Variants in TMEM163 observed in about 807,000 individuals in gnomAD.
The protein encoded by TMEM163 is transmembrane protein 163.
A neutral mutation model predicts 29.3 loss-of-function variants in TMEM163; 17 were observed. That is an observed-to-expected ratio of 0.58 (90% CI 0.40 to 0.87). The LOEUF (loss-of-function observed/expected upper bound fraction) is 0.87. Ranked by LOEUF, TMEM163 falls within the 40% of genes least tolerant of loss-of-function variation. The pLI, the probability that TMEM163 is intolerant of heterozygous loss-of-function variation, is 0.00. For synonymous variants in TMEM163, 157 were observed against 160.6 expected, an observed-to-expected ratio of 0.98 and a Z score of 0.17; for missense variants, 303 against 381.5, an observed-to-expected ratio of 0.79 and a Z score of 1.71.
At chr2:134,485,923 C>A (rs1209291188) in intron 5 of TMEM163, among the ~76,000 whole-genome samples, 1 of 152,108 alleles carries the variant, frequency 6.6e-6, no homozygotes, top group Non-Finnish European at 1.5e-5. Flanking sequence ...GGGATACATG[C>A]CCCTCACACT....
At position 134,481,377 on chromosome 2, in the gene TMEM163, TGG is replaced by T. The variant is rs61620015; in HGVS notation, c.556-15154_556-15153del. ...GACCTAGTGGGAGGTAATTGAATCA[TGG>T]GGGGGGGGGGAGCTTTTCCTGTGCT... is the stretch of plus-strand genomic sequence containing the variant. On this transcript the variant is annotated intron_variant, in intron 5 of 7. Coordinates refer to ENST00000281924, the MANE Select transcript of TMEM163 (RefSeq NM_030923.5). Among the ~76,000 whole-genome samples the T allele has an allele frequency of 9.3e-3, 1,275 of 136,468 alleles. 8 individuals carry two copies. Among genetic ancestry groups the T allele is most frequent in the African/African-American group, 0.019 (704 of 36,548 alleles). 89.5% of individuals were successfully genotyped at this position (136,468 alleles called of 152,430 possible).
intron 2 of TMEM163, among the ~76,000 whole-genome samples, chr2:134,658,024 T>C (rs1484839469): frequency 1.3e-5 from 2 of 151,916 alleles, no homozygotes; most frequent in Admixed American, 6.5e-5. Flanking sequence ...AAAAGACAAA[T>C]AAATAAACAT....
intron 2 of TMEM163, among the ~76,000 whole-genome samples, chr2:134,583,773 C>G (rs1234583269): frequency 2.0e-5 from 3 of 152,154 alleles, no homozygotes; most frequent in Non-Finnish European, 4.4e-5. Context: ...CTGCCTGCCC[C>G]CTATGAGATG....
chr2:134,638,790 C>A (rs1683164390), intron 2 of TMEM163, among the ~76,000 whole-genome samples: 1 of 152,106 alleles, frequency 6.6e-6, no homozygotes, highest in African/African-American at 2.4e-5. Flanking sequence ...ACACGGGTGC[C>A]AAAACAACAC....
intron 2 of TMEM163, among the ~76,000 whole-genome samples, chr2:134,645,658 A>T (rs558189110): frequency 6.6e-6 from 1 of 152,252 alleles, no homozygotes; most frequent in African/African-American, 2.4e-5. Context: ...CAAACTATTG[A>T]TATACACAAT....
At chr2:134,667,558 C>A (rs1160636852) in intron 2 of TMEM163, among the ~76,000 whole-genome samples, 1 of 152,194 alleles carries the variant, frequency 6.6e-6, no homozygotes, top group East Asian at 1.9e-4. Flanking sequence ...ATTACAGCAG[C>A]CCTGGACTGC....
At chr2:134,541,518 G>A (rs781120472) in intron 4 of TMEM163, among the ~76,000 whole-genome samples, 29 of 152,122 alleles carry the variant, frequency 1.9e-4, no homozygotes, top group Non-Finnish European at 3.8e-4. Context: ...AATGTTTAAG[G>A]ACAGTTATTC....
At chr2:134,465,566 G>A (rs1016235570) in intron 6 of TMEM163, among the ~76,000 whole-genome samples, 23 of 152,162 alleles carry the variant, frequency 1.5e-4, no homozygotes, top group African/African-American at 5.1e-4. Context: ...TCATCCCAAA[G>A]GTCATAAAGA....
chr2:134,681,123 T>C (rs1355650561), intron 2 of TMEM163, among the ~76,000 whole-genome samples: 1 of 152,134 alleles, frequency 6.6e-6, no homozygotes, highest in Admixed American at 6.5e-5. Context: ...TCCTCTTCCC[T>C]CCATCCAACT....
intron 6 of TMEM163, among the ~76,000 whole-genome samples, chr2:134,464,909 G>A (rs923577559): frequency 2.6e-5 from 4 of 152,092 alleles, no homozygotes; most frequent in African/African-American, 7.2e-5. Context: ...GGTCAACATC[G>A]GCTAAGACAA....
At chr2:134,464,279 G>C (rs368133132) in intron 6 of TMEM163, among the ~76,000 whole-genome samples, 5 of 152,070 alleles carry the variant, frequency 3.3e-5, no homozygotes, top group East Asian at 1.9e-4. Context: ...TTGGCCCCTG[G>C]GGCAGGCACA....
intron 2 of TMEM163, among the ~76,000 whole-genome samples, chr2:134,579,004 T>G (rs779785228): frequency 2.0e-5 from 3 of 152,150 alleles, no homozygotes; most frequent in Non-Finnish European, 4.4e-5. Context: ...ATGGTTCAGT[T>G]ATTCCTGCAG....
intron 2 of TMEM163, among the ~76,000 whole-genome samples, chr2:134,622,654 T>A (rs1446045944): frequency 6.6e-6 from 1 of 152,232 alleles, no homozygotes; most frequent in African/African-American, 2.4e-5. Flanking sequence ...TTCAATTAAG[T>A]CAAGTTGTTT....
chr2:134,577,792 C>T (rs1040023682), intron 2 of TMEM163, among the ~76,000 whole-genome samples: 2 of 145,296 alleles, frequency 1.4e-5, no homozygotes, highest in South Asian at 4.7e-4. Flanking sequence ...ATTCAATCAA[C>T]CATAGATCGA....
At chr2:134,632,019 T>C (rs534281901) in intron 2 of TMEM163, among the ~76,000 whole-genome samples, 21 of 152,294 alleles carry the variant, frequency 1.4e-4, no homozygotes, top group African/African-American at 4.8e-4. Context: ...CAAGAAAGTT[T>C]CCAACAAAGT....
intron 2 of TMEM163, among the ~76,000 whole-genome samples, chr2:134,622,961 C>A (rs1477604797): frequency 6.6e-6 from 1 of 151,876 alleles, no homozygotes; most frequent in Non-Finnish European, 1.5e-5. Flanking sequence ...GGTGGGATTT[C>A]AAAAATCTCC....
intron 2 of TMEM163, among the ~76,000 whole-genome samples, chr2:134,682,256 G>A (rs1309951564): frequency 6.6e-6 from 1 of 152,210 alleles, no homozygotes; most frequent in Non-Finnish European, 1.5e-5. Context: ...GGTTGAGAAA[G>A]GCTGAGGGAG....
chr2:134,656,284 A>G (rs994476436), intron 2 of TMEM163, among the ~76,000 whole-genome samples: 1 of 151,080 alleles, frequency 6.6e-6, no homozygotes, highest in Non-Finnish European at 1.5e-5. Context: ...GAAAAGCGCA[A>G]TATTCGGGTG....
At chr2:134,647,449 T>A (rs938073875) in intron 2 of TMEM163, among the ~76,000 whole-genome samples, 1 of 152,138 alleles carries the variant, frequency 6.6e-6, no homozygotes, top group African/African-American at 2.4e-5. Context: ...TGACAGAGGA[T>A]CTTCTTCAAC....
Sources: gnomAD v4.1 joint callset for allele counts (sites outside exome capture counted in the v4.1 genomes callset) on GRCh38, gnomAD v4.1.1 for gene constraint, MANE v1.5 for transcripts, NCBI Gene and HGNC (gene_info 2026-07-23, HGNC 2026-07-21) for gene names.